Variants in MYO1B observed in about 807,000 individuals in gnomAD.
The protein encoded by MYO1B is unconventional myosin-Ib.
In MYO1B, 72 loss-of-function variants were observed where a neutral mutation model predicts 159.7. The observed-to-expected ratio is 0.45, with a 90% confidence interval of 0.37 to 0.55. The LOEUF (loss-of-function observed/expected upper bound fraction) is 0.55, where lower values mean the gene tolerates loss of function less well. MYO1B is among the 20% of genes least tolerant of loss of function. MYO1B has a pLI of 0.00. For synonymous variants in MYO1B, 468 were observed against 473.8 expected (o/e 0.99, Z 0.16); for missense variants, 1,062 against 1,364.8 (o/e 0.78, Z 3.50).
intron 1 of MYO1B, among the ~76,000 whole-genome samples, chr2:191,266,710 C>T (rs1374477654): frequency 1.3e-5 from 2 of 152,158 alleles, no homozygotes; most frequent in African/African-American, 4.8e-5. Context: ...TAAGGTCTCT[C>T]TCCTTGCTCT....
chr2:191,421,755 CATG>C (rs1402520465), intron 30 of MYO1B, among the ~76,000 whole-genome samples: 2 of 152,226 alleles, frequency 1.3e-5, no homozygotes, highest in Non-Finnish European at 2.9e-5. Flanking sequence ...GGATTACAGG[CATG>C]AGCCACTGTG....
chr2:191,285,872 A>G (rs749505151), intron 2 of MYO1B, among the ~76,000 whole-genome samples: 77 of 152,108 alleles, frequency 5.1e-4, no homozygotes, highest in Non-Finnish European at 9.0e-4. Flanking sequence ...CAGGTCCCAG[A>G]TTTGTTATAG....
chr2:191,311,186 T>C (rs1470961), intron 3 of MYO1B, among the ~76,000 whole-genome samples: 135,085 of 152,216 alleles, frequency 0.89, 62,109 homozygotes, highest in Non-Finnish European at 1. Context: ...TTAGCCTGCT[T>C]TCACATAAAT....
At position 191,277,013 on chromosome 2, in the gene MYO1B, G is replaced by T. The variant is rs775392708; in HGVS notation, c.118G>T (p.Asp40Tyr). 1 of 1,613,550 alleles carries T rather than the reference G, an allele frequency of 6.2e-7. No homozygotes were observed. Among genetic ancestry groups the T allele is most frequent in the Non-Finnish European group, 8.5e-7 (1 of 1,179,906 alleles). Residue 40 changes from aspartate (D) to tyrosine (Y), a missense_variant, in exon 2 of 31, where the codon GAC (aspartate) becomes TAC (tyrosine). Physicochemically the swap from Asp to Tyr is radical, Grantham distance 160 (BLOSUM62 -3). This residue lies in a region of MYO1B where 415 missense variants were observed against 544.0 expected (regional missense o/e 0.76). Coordinates refer to ENST00000392318, the MANE Select transcript of MYO1B (RefSeq NM_001130158.3). ...TFINNLKKRF[D>Y]HSEIYTYIGS... ...CATCAACAACCTCAAGAAGCGCTTT[G>T]ACCACAGTGAAATATACGTAAGTAC...
chr2:191,346,070 C>A (rs1203156521), intron 5 of MYO1B, among the ~76,000 whole-genome samples, 166 bp from the exon 6 acceptor site: 1 of 152,200 alleles, frequency 6.6e-6, no homozygotes, highest in Non-Finnish European at 1.5e-5. Context: ...TAGCAACTTA[C>A]TAAGACTTCT....
chr2:191,409,311 T>A (rs2126160596), intron 26 of MYO1B, 133 bp downstream of exon 26: 1 of 1,028,118 alleles, frequency 9.7e-7, no homozygotes, highest in East Asian at 2.5e-5. Flanking sequence ...TTTGGTGATT[T>A]TCCCCCATGC....
At chr2:191,378,297 C>A (rs1234119303) in intron 13 of MYO1B, among the ~76,000 whole-genome samples, 1 of 151,424 alleles carries the variant, frequency 6.6e-6, no homozygotes, top group African/African-American at 2.4e-5. Flanking sequence ...TTTCTTTTTT[C>A]TTTTTCTTTG....
At chr2:191,309,088 G>A (rs535377679) in intron 3 of MYO1B, among the ~76,000 whole-genome samples, 8 of 151,962 alleles carry the variant, frequency 5.3e-5, no homozygotes, top group African/African-American at 1.5e-4. Flanking sequence ...TGGATTTCTC[G>A]CCTGACCTGC....
intron 19 of MYO1B, 43 bp downstream of exon 19, chr2:191,392,244 C>G (rs763704648): frequency 1.4e-6 from 2 of 1,438,272 alleles, no homozygotes; most frequent in South Asian, 2.6e-5. Flanking sequence ...AAGTTGGAAT[C>G]GTATAGGAAA....
intron 2 of MYO1B, among the ~76,000 whole-genome samples, chr2:191,283,246 GCA>G (rs1246923729): frequency 6.6e-5 from 10 of 152,198 alleles, no homozygotes; most frequent in Non-Finnish European, 1.5e-4. Flanking sequence ...CATCATGGAG[GCA>G]CTGTATAGGG....
At chr2:191,329,355 G>A (rs1691307571) in intron 3 of MYO1B, among the ~76,000 whole-genome samples, 1 of 151,982 alleles carries the variant, frequency 6.6e-6, no homozygotes. Context: ...CAGTAGTTCT[G>A]TATTTAAGTT....
At chr2:191,344,230 G>A (rs1285914902) in intron 5 of MYO1B, among the ~76,000 whole-genome samples, 2 of 152,130 alleles carry the variant, frequency 1.3e-5, no homozygotes, top group Admixed American at 6.5e-5. Context: ...AAATGTCATC[G>A]TCTTCATGAT....
intron 2 of MYO1B, among the ~76,000 whole-genome samples, chr2:191,290,945 T>C (rs140815345): frequency 6.6e-6 from 1 of 152,352 alleles, no homozygotes; most frequent in East Asian, 1.9e-4. Context: ...CCTGTGAGTC[T>C]GGAAGGGAAG....
intron 30 of MYO1B, among the ~76,000 whole-genome samples, chr2:191,419,007 A>G (rs1331050647): frequency 6.6e-6 from 1 of 152,124 alleles, no homozygotes; most frequent in African/African-American, 2.4e-5. Flanking sequence ...GTCCCCTAAG[A>G]TTGTAATGGA....
At position 191,303,514 on chromosome 2, in the gene MYO1B, A is replaced by G. The variant is rs149429674; in HGVS notation, c.251+7288A>G. ...GAAGAGATATTCATTTACTGAGCAAATATTTATTGAGAGCTTACCCTGTGC... is the reference window on the plus strand; with the variant it reads ...GAAGAGATATTCATTTACTGAGCAAGTATTTATTGAGAGCTTACCCTGTGC... On this transcript the variant is annotated intron_variant, in intron 3 of 30. Coordinates refer to ENST00000392318, the MANE Select transcript of MYO1B (RefSeq NM_001130158.3). Among the ~76,000 whole-genome samples the G allele has an allele frequency of 6.0e-3, 911 of 152,330 alleles. 13 individuals are homozygous for G. Among genetic ancestry groups the G allele is most frequent in the African/African-American group, 0.021 (885 of 41,572 alleles).
At chr2:191,269,626 A>G (rs1431629000) in intron 1 of MYO1B, among the ~76,000 whole-genome samples, 1 of 152,208 alleles carries the variant, frequency 6.6e-6, no homozygotes, top group Non-Finnish European at 1.5e-5. Context: ...AAGGGTTTGA[A>G]GCAGGTTATG....
chr2:191,420,953 G>A (rs1159381957), intron 30 of MYO1B, among the ~76,000 whole-genome samples: 1 of 151,990 alleles, frequency 6.6e-6, no homozygotes, highest in African/African-American at 2.4e-5. Context: ...AAATAATAGT[G>A]CTTACCTCCT....
chr2:191,289,257 TC>T (rs1688557676), intron 2 of MYO1B, among the ~76,000 whole-genome samples: 1 of 152,226 alleles, frequency 6.6e-6, no homozygotes, highest in Admixed American at 6.5e-5. Flanking sequence ...CCTCCGTTCT[TC>T]TTGCGTGCTT....
chr2:191,356,954 TTG>T (rs1215367386), intron 7 of MYO1B, among the ~76,000 whole-genome samples: 1 of 152,210 alleles, frequency 6.6e-6, no homozygotes, highest in East Asian at 1.9e-4. Flanking sequence ...AGCAGTCAGT[TTG>T]AGTGATAGCC....
Sources: gnomAD v4.1 joint callset for allele counts (sites outside exome capture counted in the v4.1 genomes callset) on GRCh38, gnomAD v4.1.1 for gene constraint, gnomAD v4.1.1 regional missense constraint, MANE v1.5 for transcripts, NCBI Gene and HGNC (gene_info 2026-07-23, HGNC 2026-07-21) for gene names.